The following YWHAQ variants were observed in gnomAD, a reference collection of about 807,000 sequenced individuals.
YWHAQ encodes the protein tyrosine 3-monooxygenase/tryptophan 5-monooxygenase activation protein theta.
Under a neutral mutation model 28.3 loss-of-function variants are expected in YWHAQ, and 6 were observed. That is an observed-to-expected ratio of 0.21 (90% CI 0.12 to 0.42). The LOEUF is 0.42. Ranked by LOEUF, YWHAQ falls within the 10% of genes least tolerant of loss-of-function variation. YWHAQ has a pLI of 1.00. For missense variants in YWHAQ, 201 were observed against 305.6 expected, an observed-to-expected ratio of 0.66 and a Z score of 2.55; for synonymous variants, 143 against 119.1, an observed-to-expected ratio of 1.20 and a Z score of -1.31.
Position 9,585,193 on chromosome 2 carries a change from G to C in YWHAQ, c.*93C>G, listed in dbSNP as rs1325180094. 1 of 1,376,560 alleles carries C rather than the reference G, an allele frequency of 7.3e-7. No individual in the cohort carries two copies. The highest frequency in any genetic ancestry group is 1.4e-5 in the African/African-American group (1 of 70,008). The allele number at this position is 1,376,560 out of a possible 1,614,324, so 85.3% of individuals were successfully genotyped here. On this transcript the variant is annotated 3_prime_UTR_variant, in exon 6 of 6. Coordinates refer to ENST00000238081, the MANE Select transcript of YWHAQ (RefSeq NM_006826.4). ...ACAGTTGATTCCATACACATGAATG[G>C]GTTTCTTTGCTATAGGAAATCCAAG...
At chr2:9,594,628 A>G (rs1666530180) in intron 2 of YWHAQ, among the ~76,000 whole-genome samples, 2 of 152,164 alleles carry the variant, frequency 1.3e-5, no homozygotes, top group Non-Finnish European at 2.9e-5. Context: ...CCTCCAAGTG[A>G]GTCAGTCAGT....
chr2:9,608,936 A>AAATC (rs1666890789), intron 2 of YWHAQ, among the ~76,000 whole-genome samples: 1 of 145,630 alleles, frequency 6.9e-6, no homozygotes. Context: ...GCAAGACTCC[A>AAATC]AATCAAACAA....
chr2:9,603,446 T>A (rs1213002611), intron 2 of YWHAQ, among the ~76,000 whole-genome samples: 1 of 150,350 alleles, frequency 6.7e-6, no homozygotes, highest in Admixed American at 6.6e-5. Flanking sequence ...ATTTTTCTAA[T>A]TTTTTTTTAG....
At chr2:9,623,630 G>A (rs997314771) in intron 2 of YWHAQ, among the ~76,000 whole-genome samples, 7 of 152,090 alleles carry the variant, frequency 4.6e-5, no homozygotes, top group African/African-American at 9.7e-5. Context: ...AAAATTAGCC[G>A]GGTGTGGTGG....
intron 2 of YWHAQ, among the ~76,000 whole-genome samples, chr2:9,608,956 CAAA>C (rs1222698145): frequency 2.0e-5 from 3 of 152,078 alleles, no homozygotes; most frequent in African/African-American, 7.2e-5. Context: ...AACAAACAAA[CAAA>C]CAAACAAAAA....
intron 2 of YWHAQ, among the ~76,000 whole-genome samples, chr2:9,608,354 G>A (rs796623252): frequency 5.9e-5 from 9 of 152,308 alleles, no homozygotes; most frequent in African/African-American, 2.2e-4. Flanking sequence ...ACAGTGTGGA[G>A]GAGGGTGAGG....
intron 2 of YWHAQ, among the ~76,000 whole-genome samples, chr2:9,610,871 A>G (rs1021130505): frequency 1.3e-5 from 2 of 151,594 alleles, no homozygotes; most frequent in Non-Finnish European, 2.9e-5. Context: ...CTGCTCCCCT[A>G]CTCGATTTTC....
At chr2:9,600,311 T>C (rs1666663060) in intron 2 of YWHAQ, among the ~76,000 whole-genome samples, 1 of 152,164 alleles carries the variant, frequency 6.6e-6, no homozygotes, top group Non-Finnish European at 1.5e-5. Context: ...TGCATAAACT[T>C]AGTTGATAGA....
At chr2:9,593,923 TACACACAC>T (rs1553372602) in intron 2 of YWHAQ, among the ~76,000 whole-genome samples, 4 of 135,152 alleles carry the variant, frequency 3.0e-5, no homozygotes, top group Non-Finnish European at 6.2e-5. Context: ...TATATATATA[TACACACAC>T]ACACACACAC....
intron 2 of YWHAQ, among the ~76,000 whole-genome samples, chr2:9,628,461 T>C (rs932415752): frequency 5.3e-5 from 8 of 152,238 alleles, no homozygotes; most frequent in Non-Finnish European, 8.8e-5. Flanking sequence ...AAAACGAATA[T>C]TCCTTTGGCT....
In YWHAQ at chr2:9,630,028, C is replaced by T; in HGVS notation, c.294+131G>A. 1 of 1,206,148 alleles carries T rather than the reference C, an allele frequency of 8.3e-7. No homozygotes were observed. Among genetic ancestry groups the T allele is most frequent in the Non-Finnish European group, 1.1e-6 (1 of 870,734 alleles). 74.7% of individuals were successfully genotyped at this position (1,206,148 alleles called of 1,614,324 possible). A position where few individuals can be genotyped will look rare whatever the true frequency, so the allele number is the denominator to read the frequency against. ...GAGGGACACAGTAGGGAAGTCAGGG[C>T]TCACCTAAAACCCTCCACCCCAGCA... On this transcript the variant is annotated intron_variant, in intron 2 of 5. Transcript: ENST00000238081. This position sits in a 1 kb window ranked among gnomAD's most constrained non-coding sequence, Gnocchi z 5.6.
At chr2:9,618,378 T>C (rs994475660) in intron 2 of YWHAQ, among the ~76,000 whole-genome samples, 1 of 152,088 alleles carries the variant, frequency 6.6e-6, no homozygotes, top group Admixed American at 6.5e-5. Context: ...TTTGTAAACA[T>C]TTCTTTGAAA....
intron 2 of YWHAQ, among the ~76,000 whole-genome samples, chr2:9,604,238 G>A (rs1027520118): frequency 1.3e-5 from 2 of 152,112 alleles, no homozygotes; most frequent in African/African-American, 4.8e-5. Flanking sequence ...ACAAACGAGA[G>A]ACAGAAAATA....
At chr2:9,625,282 C>T (rs918032299) in intron 2 of YWHAQ, among the ~76,000 whole-genome samples, 5 of 150,588 alleles carry the variant, frequency 3.3e-5, no homozygotes, top group East Asian at 2.0e-4. Context: ...AAAACCCAAA[C>T]CCCCCAAAAC....
At chr2:9,607,555 G>C (rs1333591548) in intron 2 of YWHAQ, among the ~76,000 whole-genome samples, 1 of 151,892 alleles carries the variant, frequency 6.6e-6, no homozygotes, top group Non-Finnish European at 1.5e-5. Context: ...ACTTCTGACC[G>C]ACATGAGAAA....
At chr2:9,617,608 T>C (rs959937249) in intron 2 of YWHAQ, among the ~76,000 whole-genome samples, 1 of 152,186 alleles carries the variant, frequency 6.6e-6, no homozygotes, top group Non-Finnish European at 1.5e-5. Flanking sequence ...AACGCTAACT[T>C]TTATGTTACG....
Position 9,630,218 on chromosome 2 carries a change from TC to T in YWHAQ, c.234del (p.Ile79LeufsTer12). The T allele has an allele frequency of 6.2e-7, 1 of 1,614,084 alleles. No homozygotes were observed. Among genetic ancestry groups the T allele is most frequent in the Non-Finnish European group, 8.5e-7 (1 of 1,180,036 alleles). ...KTDTSDKKLQ[L>X]IKDYREKVES... Reference sequence around the variant, plus strand: ...TCCACTTTCTCCCGATAGTCCTTAATCAGCTGCAACTTCTTGTCGGAGGTGT... The same window carrying T: ...TCCACTTTCTCCCGATAGTCCTTAATAGCTGCAACTTCTTGTCGGAGGTGT... On this transcript the variant is annotated frameshift_variant, in exon 2 of 6. Coordinates refer to ENST00000238081, the MANE Select transcript of YWHAQ (RefSeq NM_006826.4). LOFTEE classifies it high-confidence loss of function. This position sits in a 1 kb window ranked among gnomAD's most constrained non-coding sequence, Gnocchi z 5.6.
At chr2:9,586,206 G>GTA (rs1357112024) in intron 5 of YWHAQ, among the ~76,000 whole-genome samples, 6 of 152,190 alleles carry the variant, frequency 3.9e-5, no homozygotes, top group African/African-American at 1.4e-4. Context: ...ATGTGTGCAT[G>GTA]TATAGACAGG....
chr2:9,608,559 GC>G (rs1198983259), intron 2 of YWHAQ, among the ~76,000 whole-genome samples: 1 of 152,156 alleles, frequency 6.6e-6, no homozygotes, highest in African/African-American at 2.4e-5. Flanking sequence ...AGCACAGTGT[GC>G]CCAGCACAAA....
Sources: gnomAD v4.1 joint callset for allele counts (sites outside exome capture counted in the v4.1 genomes callset) on GRCh38, gnomAD v4.1.1 for gene constraint, Gnocchi (gnomAD v3.1) non-coding constraint, MANE v1.5 for transcripts, NCBI Gene and HGNC (gene_info 2026-07-23, HGNC 2026-07-21) for gene names.